NCAM2: variants seen among roughly 807,000 people sequenced by gnomAD.
The protein encoded by NCAM2 is neural cell adhesion molecule 2.
In NCAM2, 30 loss-of-function variants were observed where a neutral mutation model predicts 98.1. The observed-to-expected ratio is 0.31, with a 90% CI of 0.23 to 0.41. The LOEUF (loss-of-function observed/expected upper bound fraction) is 0.41. Ranked by LOEUF, NCAM2 falls within the 10% of genes least tolerant of loss-of-function variation. The pLI, the probability that NCAM2 is intolerant of heterozygous loss-of-function variation, is 1.00. For synonymous variants in NCAM2, 368 were observed against 342.4 expected (o/e 1.07, Z -0.83); for missense variants, 867 against 1,005.8 (o/e 0.86, Z 1.87).
intron 12 of NCAM2, among the ~76,000 whole-genome samples, chr21:21,465,485 G>A (rs901021597): frequency 1.2e-4 from 18 of 151,422 alleles, no homozygotes; most frequent in Non-Finnish European, 1.5e-5. Flanking sequence ...GGAACGCAAG[G>A]AAGTATCACA....
Position 21,439,424 on chromosome 21 carries a change from C to T in NCAM2, c.1654+7143C>T, listed in dbSNP as rs921058361. On this transcript the variant is annotated intron_variant, in intron 12 of 17. Coordinates refer to ENST00000400546, the MANE Select transcript of NCAM2 (RefSeq NM_004540.5). Reference sequence around the variant, plus strand: ...GATTACAGGCGTGAGCCACTGCGCCCGGCCTTCAGGTTTAATTTTAGCAAA... The same window carrying T: ...GATTACAGGCGTGAGCCACTGCGCCTGGCCTTCAGGTTTAATTTTAGCAAA... Among the ~76,000 whole-genome samples the T allele has an allele frequency of 4.6e-5, 7 of 152,188 alleles. No homozygotes were observed. In the South Asian group the frequency reaches 6.2e-4, roughly 14 times the overall value.
At chr21:21,103,277 G>GA (rs1225707458) in intron 1 of NCAM2, among the ~76,000 whole-genome samples, 2 of 151,956 alleles carry the variant, frequency 1.3e-5, no homozygotes, top group Non-Finnish European at 1.5e-5. Flanking sequence ...AAAAAAATCA[G>GA]CAAAACCCAG....
At position 21,525,237 on chromosome 21, in the gene NCAM2, C is replaced by T. The variant is rs184216281; in HGVS notation, c.2283-9300C>T. Among the ~76,000 whole-genome samples the T allele has an allele frequency of 4.9e-4, 74 of 151,834 alleles. No homozygotes were observed. The East Asian group carries it at 8.1e-3, about 17-fold the overall frequency. On this transcript the variant is annotated intron_variant, in intron 16 of 17. Transcript: ENST00000400546. The stretch of plus-strand genomic sequence containing the variant: ...AAAGCTGGTTCTTTTAAAAGATTAA[C>T]GAAATTGCTAAGTCTATACCTAAGC...
At chr21:21,400,545 T>G (rs2145869766) in intron 9 of NCAM2, among the ~76,000 whole-genome samples, 1 of 152,182 alleles carries the variant, frequency 6.6e-6, no homozygotes, top group Admixed American at 6.5e-5. Context: ...CCTCATGTAG[T>G]CTCTTTTTGT....
chr21:21,303,368 A>G (rs1393631621), intron 5 of NCAM2, among the ~76,000 whole-genome samples: 3 of 152,080 alleles, frequency 2.0e-5, no homozygotes, highest in East Asian at 1.9e-4. Flanking sequence ...ACCGTGCAAT[A>G]TGTATTTTCT....
At chr21:21,125,934 T>C (rs931772682) in intron 1 of NCAM2, among the ~76,000 whole-genome samples, 2 of 151,486 alleles carry the variant, frequency 1.3e-5, no homozygotes, top group African/African-American at 4.8e-5. Flanking sequence ...TCTTCACTAG[T>C]GTATGTAATT....
chr21:21,417,906 T>G (rs1369560372), intron 10 of NCAM2, among the ~76,000 whole-genome samples: 1 of 152,036 alleles, frequency 6.6e-6, no homozygotes, highest in Non-Finnish European at 1.5e-5. Context: ...GAATGATCCT[T>G]CCTCCTTCGT....
At chr21:21,253,282 AT>A (rs2071539535) in intron 1 of NCAM2, among the ~76,000 whole-genome samples, 1 of 152,190 alleles carries the variant, frequency 6.6e-6, no homozygotes, top group Non-Finnish European at 1.5e-5. Context: ...GTAATTTTTA[AT>A]AGTATTGAGA....
At chr21:21,112,226 C>G (rs188413317) in intron 1 of NCAM2, among the ~76,000 whole-genome samples, 5 of 152,236 alleles carry the variant, frequency 3.3e-5, no homozygotes, top group African/African-American at 4.8e-5. Flanking sequence ...TACCCAGCCC[C>G]TATCCTCCCT....
At chr21:21,473,630 G>T (rs1984768521) in intron 14 of NCAM2, among the ~76,000 whole-genome samples, 1 of 151,486 alleles carries the variant, frequency 6.6e-6, no homozygotes, top group African/African-American at 2.4e-5. Flanking sequence ...CTTCTCTATT[G>T]TCCTCTCATT....
At chr21:21,315,679 TTGA>T (rs1448866493) in intron 5 of NCAM2, among the ~76,000 whole-genome samples, 1 of 152,190 alleles carries the variant, frequency 6.6e-6, no homozygotes, top group African/African-American at 2.4e-5. Flanking sequence ...TAGAGCAGTG[TTGA>T]TGACAACTTC....
intron 16 of NCAM2, among the ~76,000 whole-genome samples, chr21:21,522,671 C>T (rs1317604869): frequency 8.2e-6 from 1 of 122,562 alleles, no homozygotes; most frequent in East Asian, 2.5e-4. Flanking sequence ...TACTCTGTTG[C>T]CCGGTCTGGA....
In NCAM2 at chr21:21,537,987, T is replaced by C. The variant is rs1990075939; in HGVS notation, c.*30T>C. On this transcript the variant is annotated 3_prime_UTR_variant, in exon 18 of 18. Coordinates refer to ENST00000400546, the MANE Select transcript of NCAM2 (RefSeq NM_004540.5). ...AATATTACAGGGGCTTGAACAACAC[T>C]ACGAAGAGTATTTGGATTGCGTGAC... 3 of 1,291,382 alleles carry C rather than the reference T, an allele frequency of 2.3e-6. No homozygotes were observed. Among genetic ancestry groups the C allele is most frequent in the African/African-American group, 3.1e-5 (2 of 65,144 alleles). 80.0% of individuals were successfully genotyped at this position (1,291,382 alleles called of 1,614,324 possible). A position where few individuals can be genotyped will look rare whatever the true frequency, so the allele number is the denominator to read the frequency against.
At chr21:21,440,614 G>A (rs1285963627) in intron 12 of NCAM2, among the ~76,000 whole-genome samples, 1 of 152,004 alleles carries the variant, frequency 6.6e-6, no homozygotes, top group East Asian at 1.9e-4. Context: ...CCAGGAGGCA[G>A]AGGTTGCAGT....
chr21:21,219,690 G>C (rs916923041), intron 1 of NCAM2, among the ~76,000 whole-genome samples: 3 of 152,160 alleles, frequency 2.0e-5, no homozygotes, highest in Non-Finnish European at 4.4e-5. Context: ...TTATTTTAGA[G>C]TGTATCTTTT....
At chr21:21,531,135 C>A (rs1989670309) in intron 16 of NCAM2, among the ~76,000 whole-genome samples, 1 of 151,894 alleles carries the variant, frequency 6.6e-6, no homozygotes, top group African/African-American at 2.4e-5. Flanking sequence ...GTTATTTAAC[C>A]TTTTCTCTTA....
intron 12 of NCAM2, among the ~76,000 whole-genome samples, chr21:21,461,975 C>T (rs1469141477): frequency 6.6e-6 from 1 of 151,972 alleles, no homozygotes; most frequent in African/African-American, 2.4e-5. Flanking sequence ...TTTATTTTGC[C>T]TGTTGCTAAC....
chr21:21,271,884 G>A (rs2072513937), intron 1 of NCAM2, among the ~76,000 whole-genome samples: 1 of 152,064 alleles, frequency 6.6e-6, no homozygotes, highest in African/African-American at 2.4e-5. Context: ...TCACACACCG[G>A]GGCCTGTCAT....
intron 6 of NCAM2, among the ~76,000 whole-genome samples, chr21:21,333,817 T>C (rs2074780690): frequency 6.6e-6 from 1 of 152,098 alleles, no homozygotes; most frequent in African/African-American, 2.4e-5. Context: ...AGAAATATAT[T>C]GTATCCCTAA....
Sources: gnomAD v4.1 joint callset for allele counts (sites outside exome capture counted in the v4.1 genomes callset) on GRCh38, gnomAD v4.1.1 for gene constraint, MANE v1.5 for transcripts, NCBI Gene and HGNC (gene_info 2026-07-23, HGNC 2026-07-21) for gene names.